UST: variants seen among roughly 807,000 people sequenced by gnomAD.
The protein encoded by UST is chondroitin sulfate 2-O-sulfotransferase.
Under a neutral mutation model 45.6 loss-of-function variants are expected in UST, and 21 were observed. The observed-to-expected ratio is 0.46, with a 90% CI of 0.33 to 0.66. UST has a LOEUF of 0.66. Among genes scored for constraint, UST ranks in the 30% least tolerant of loss-of-function variants. The pLI is 0.02. For missense variants in UST, 463 were observed against 512.4 expected, an observed-to-expected ratio of 0.90 and a Z score of 0.93; for synonymous variants, 215 against 200.6, an observed-to-expected ratio of 1.07 and a Z score of -0.61.
chr6:148,970,442 G>A (rs1276591382), intron 5 of UST, among the ~76,000 whole-genome samples: 1 of 152,154 alleles, frequency 6.6e-6, no homozygotes, highest in Non-Finnish European at 1.5e-5. Context: ...ATCCCAGAGA[G>A]GCTGAGTGGT....
chr6:148,805,717 A>G (rs1010209438), intron 1 of UST, among the ~76,000 whole-genome samples: 3 of 152,206 alleles, frequency 2.0e-5, no homozygotes, highest in African/African-American at 2.4e-5. Context: ...TAAACTTTTC[A>G]TAGTCCTTCA....
At chr6:148,872,816 C>T (rs547049685) in intron 1 of UST, among the ~76,000 whole-genome samples, 2 of 152,236 alleles carry the variant, frequency 1.3e-5, no homozygotes, top group African/African-American at 4.8e-5. Flanking sequence ...CATCCTCCAG[C>T]GTCACATCTC....
intron 1 of UST, among the ~76,000 whole-genome samples, chr6:148,824,317 C>T (rs369901253): frequency 4.6e-5 from 7 of 152,340 alleles, no homozygotes; most frequent in African/African-American, 1.7e-4. Flanking sequence ...AGGCCAAGAT[C>T]TATGTCCCAG....
intron 3 of UST, among the ~76,000 whole-genome samples, chr6:148,944,810 C>T (rs1482393): frequency 0.36 from 54,292 of 151,986 alleles, 10,180 homozygotes; most frequent in South Asian, 0.46. Flanking sequence ...GCATTTATGC[C>T]CTAAAACTAG....
intron 1 of UST, among the ~76,000 whole-genome samples, chr6:148,759,784 C>G (rs932906486): frequency 7.3e-6 from 1 of 136,082 alleles, no homozygotes; most frequent in Non-Finnish European, 1.5e-5. Flanking sequence ...GGAGGTGGAG[C>G]TTGCAGTGAG....
chr6:149,070,988 G>A (rs1290775174), intron 7 of UST, among the ~76,000 whole-genome samples: 3 of 152,076 alleles, frequency 2.0e-5, no homozygotes, highest in Non-Finnish European at 2.9e-5. Context: ...GGATGGTCTC[G>A]ATCTCTTGGC....
At chr6:148,989,446 A>G (rs1338927121) in intron 5 of UST, among the ~76,000 whole-genome samples, 1 of 152,222 alleles carries the variant, frequency 6.6e-6, no homozygotes, top group Non-Finnish European at 1.5e-5. Flanking sequence ...AAAGAAGACT[A>G]GGGCATTAAA....
At chr6:148,833,075 C>T (rs1047447728) in intron 1 of UST, among the ~76,000 whole-genome samples, 1 of 152,194 alleles carries the variant, frequency 6.6e-6, no homozygotes, top group Admixed American at 6.5e-5. Context: ...AGAAAAAGCA[C>T]CAGATCATTC....
intron 1 of UST, among the ~76,000 whole-genome samples, chr6:148,878,548 T>TG (rs1778758626): frequency 2.3e-5 from 1 of 43,168 alleles, no homozygotes; most frequent in African/African-American, 9.4e-5. Flanking sequence ...CATGTATGAG[T>TG]GTGGGGGATC....
At chr6:148,779,011 C>T (rs1451347857) in intron 1 of UST, among the ~76,000 whole-genome samples, 1 of 152,204 alleles carries the variant, frequency 6.6e-6, no homozygotes, top group Non-Finnish European at 1.5e-5. Flanking sequence ...CCCTCCTGGG[C>T]TGCAGCCATA....
At chr6:148,751,753 A>ATTCATTTTT (rs1183723557) in intron 1 of UST, among the ~76,000 whole-genome samples, 3 of 151,950 alleles carry the variant, frequency 2.0e-5, no homozygotes, top group Non-Finnish European at 2.9e-5. Flanking sequence ...TTTTTTTGAA[A>ATTCATTTTT]TGGCATTCAA....
At chr6:148,916,983 C>T (rs62426118) in intron 2 of UST, among the ~76,000 whole-genome samples, 19,412 of 152,190 alleles carry the variant, frequency 0.13, 1,577 homozygotes, top group East Asian at 0.41. Flanking sequence ...TCCCTTCCAG[C>T]TCCCATGTGC....
rs1175353622 is a variant in UST, at chr6:148,959,210, C to A, written c.528-5200C>A. 2.0e-5 allele frequency among the ~76,000 whole-genome samples: 3 copies of A among 152,208 alleles called. No individual in the cohort carries two copies. In the East Asian group the frequency reaches 5.8e-4, roughly 29 times the overall value. On this transcript the variant is annotated intron_variant, in intron 4 of 7. Coordinates refer to ENST00000367463, the MANE Select transcript of UST (RefSeq NM_005715.3). ...TATCAACTTTTGTGAACAAACTCTG[C>A]CCTCTGATGGCATTATTTAACAAAA...
chr6:149,000,652 G>A (rs1043767527), intron 5 of UST, among the ~76,000 whole-genome samples: 2 of 152,128 alleles, frequency 1.3e-5, no homozygotes, highest in African/African-American at 4.8e-5. Context: ...GGAACAACCT[G>A]ACAAAGTCTT....
chr6:148,807,581 CA>C (rs1777175020), intron 1 of UST, among the ~76,000 whole-genome samples: 1 of 152,120 alleles, frequency 6.6e-6, no homozygotes, highest in South Asian at 2.1e-4. Context: ...GAGTAGGAGA[CA>C]GGGGGCTGGA....
intron 1 of UST, among the ~76,000 whole-genome samples, chr6:148,751,934 C>G (rs1776000439): frequency 6.6e-6 from 1 of 152,242 alleles, no homozygotes; most frequent in African/African-American, 2.4e-5. Context: ...TGGCTTACTA[C>G]TGATCTTGTA....
At chr6:148,778,920 C>A (rs182333572) in intron 1 of UST, among the ~76,000 whole-genome samples, 89 of 152,196 alleles carry the variant, frequency 5.8e-4, no homozygotes, top group Non-Finnish European at 1.1e-3. Flanking sequence ...GAGCGTATCA[C>A]CCCTCTCTTC....
At chr6:148,892,662 T>G (rs1315065225) in intron 2 of UST, among the ~76,000 whole-genome samples, 6 of 152,346 alleles carry the variant, frequency 3.9e-5, no homozygotes, top group Middle Eastern at 3.4e-3. Flanking sequence ...GGTTACTGTC[T>G]TGCACAAGAA....
intron 1 of UST, among the ~76,000 whole-genome samples, chr6:148,839,427 A>G (rs951516056): frequency 2.0e-5 from 3 of 152,174 alleles, no homozygotes; most frequent in Non-Finnish European, 2.9e-5. Context: ...TGGAACACCT[A>G]TTTTGTTTTA....
Sources: allele counts gnomAD v4.1 joint callset (sites outside exome capture counted in the v4.1 genomes callset), GRCh38; gene constraint gnomAD v4.1.1; transcripts MANE v1.5; gene names NCBI Gene and HGNC (gene_info 2026-07-23, HGNC 2026-07-21).